FAM110B: variants seen among roughly 807,000 people sequenced by gnomAD.
FAM110B encodes the protein family with sequence similarity 110 member B.
FAM110B carries 6 observed loss-of-function variants against 20.4 expected under a neutral mutation model. That is an observed-to-expected ratio of 0.29 (90% CI 0.16 to 0.58). The LOEUF is 0.58. Ranked by LOEUF, FAM110B falls within the 20% of genes least tolerant of loss-of-function variation. FAM110B has a pLI of 0.90. For missense variants in FAM110B, 434 were observed against 498.2 expected, an observed-to-expected ratio of 0.87 and a Z score of 1.23; for synonymous variants, 226 against 214.1, an observed-to-expected ratio of 1.06 and a Z score of -0.49.
At chr8:58,039,947 T>C (rs1046978559) in intron 2 of FAM110B, among the ~76,000 whole-genome samples, 32 of 152,164 alleles carry the variant, frequency 2.1e-4, no homozygotes, top group Non-Finnish European at 2.9e-5. Flanking sequence ...CTCTAATTTT[T>C]AAATTTTGAA....
chr8:58,123,836 G>A lies in FAM110B; in HGVS notation c.-324-22071G>A, dbSNP rs1358256930. ...TTTAGATTCTGAGGTACACTTTCCCGCTGCGCATACTTCCTTTGGAAGACA... is the reference window on the plus strand; with the variant it reads ...TTTAGATTCTGAGGTACACTTTCCCACTGCGCATACTTCCTTTGGAAGACA... On this transcript the variant is annotated intron_variant, in intron 3 of 3. Coordinates refer to ENST00000519262, the MANE Select transcript of FAM110B (RefSeq NM_001377989.1). Among the ~76,000 whole-genome samples, 4 of 152,110 alleles carry A rather than the reference G, an allele frequency of 2.6e-5. No individual in the cohort carries two copies. In the East Asian group the frequency reaches 5.8e-4, roughly 22 times the overall value.
intron 3 of FAM110B, among the ~76,000 whole-genome samples, chr8:58,088,917 C>G (rs1325551932): frequency 6.6e-6 from 1 of 152,132 alleles, no homozygotes; most frequent in Non-Finnish European, 1.5e-5. Flanking sequence ...GTTTTATATT[C>G]TCATGTATAT....
At chr8:58,043,016 G>A (rs965622678) in intron 2 of FAM110B, among the ~76,000 whole-genome samples, 1 of 152,206 alleles carries the variant, frequency 6.6e-6, no homozygotes, top group African/African-American at 2.4e-5. Flanking sequence ...AATTTTCCAA[G>A]GTGGGAGTGC....
At position 58,146,914 on chromosome 8, in the gene FAM110B, C is replaced by T. The variant is rs750681364; in HGVS notation, c.684C>T (p.Pro228=). Residue 228 remains proline, a synonymous_variant, in exon 4 of 4, where the codon CCC becomes CCT. Transcript: ENST00000519262. ...SSSAPPLPPK[P]KIAAIASMKS... is the part of the protein sequence containing the mutation. Reference sequence around the variant, plus strand: ...CTGCCCCTCCCCTGCCTCCCAAGCCCAAAATCGCAGCCATCGCCTCCATGA... The same window carrying T: ...CTGCCCCTCCCCTGCCTCCCAAGCCTAAAATCGCAGCCATCGCCTCCATGA... 1.2e-6 allele frequency: 2 copies of T among 1,614,210 alleles called. No homozygotes were observed. Among genetic ancestry groups the T allele is most frequent in the South Asian group, 1.1e-5 (1 of 91,090 alleles).
At chr8:58,137,534 T>C (rs1803648875) in intron 3 of FAM110B, among the ~76,000 whole-genome samples, 1 of 152,072 alleles carries the variant, frequency 6.6e-6, no homozygotes, top group South Asian at 2.1e-4. Context: ...CACTCCAGCC[T>C]GGGCAACACA....
At chr8:58,073,748 C>T (rs1025948884) in intron 2 of FAM110B, among the ~76,000 whole-genome samples, 1 of 152,276 alleles carries the variant, frequency 6.6e-6, no homozygotes, top group African/African-American at 2.4e-5. Flanking sequence ...CATGTAGACT[C>T]CTGAAAGTCA....
At chr8:58,142,747 A>T (rs1400287179) in intron 3 of FAM110B, among the ~76,000 whole-genome samples, 1 of 152,226 alleles carries the variant, frequency 6.6e-6, no homozygotes, top group Non-Finnish European at 1.5e-5. Context: ...TATGAATCGA[A>T]GTTTCTCCCA....
chr8:58,087,256 G>A (rs1163305381), intron 3 of FAM110B, among the ~76,000 whole-genome samples: 1 of 152,216 alleles, frequency 6.6e-6, no homozygotes, highest in African/African-American at 2.4e-5. Context: ...CCAGCGCTGT[G>A]CGTCACCTTC....
At chr8:58,001,870 G>C (rs1019577318) in intron 1 of FAM110B, among the ~76,000 whole-genome samples, 2 of 152,172 alleles carry the variant, frequency 1.3e-5, no homozygotes, top group African/African-American at 4.8e-5. Flanking sequence ...TAGAAAAAAA[G>C]AGATTTATTA....
intron 1 of FAM110B, among the ~76,000 whole-genome samples, chr8:58,000,929 T>C (rs1359085297): frequency 6.6e-6 from 1 of 152,244 alleles, no homozygotes; most frequent in African/African-American, 2.4e-5. Flanking sequence ...CAATACATTT[T>C]ATTCTTGTTT....
chr8:58,019,985 T>C (rs1022914532), intron 1 of FAM110B, among the ~76,000 whole-genome samples: 3 of 152,114 alleles, frequency 2.0e-5, no homozygotes, highest in Non-Finnish European at 4.4e-5. Context: ...GGTATTATCT[T>C]GCAAGTCACT....
At chr8:58,127,309 T>C (rs1373846979) in intron 3 of FAM110B, among the ~76,000 whole-genome samples, 2 of 152,248 alleles carry the variant, frequency 1.3e-5, no homozygotes, top group Non-Finnish European at 2.9e-5. Flanking sequence ...AGCTAGATAA[T>C]GTCTTGAAAT....
intron 1 of FAM110B, among the ~76,000 whole-genome samples, chr8:58,021,820 A>G (rs1804761247): frequency 6.6e-6 from 1 of 152,168 alleles, no homozygotes; most frequent in Non-Finnish European, 1.5e-5. Flanking sequence ...TGACTACTAA[A>G]TGATAATACA....
Position 58,146,452 on chromosome 8 carries a change from C to G in FAM110B, c.222C>G (p.Pro74=), listed in dbSNP as rs1405511634. 1.1e-5 allele frequency: 18 copies of G among 1,613,360 alleles called. No homozygotes were observed. The highest frequency in any genetic ancestry group is 1.5e-5 in the Non-Finnish European group (18 of 1,179,646). ...AGGTGATCAACGCCAAGCAGGAGCC[C>G]GTGAAGCCCGCCGTGCTGGCCAAGC... ...SQEVINAKQE[P]VKPAVLAKPP... is the part of the protein sequence containing the mutation. Residue 74 remains proline (P), a synonymous_variant, in exon 4 of 4, where the codon CCC becomes CCG. Transcript: ENST00000519262.
At chr8:58,105,113 G>A (rs1806876072) in intron 3 of FAM110B, among the ~76,000 whole-genome samples, 1 of 151,800 alleles carries the variant, frequency 6.6e-6, no homozygotes, top group African/African-American at 2.4e-5. Flanking sequence ...GCATTGTCCT[G>A]TGTTAGGGGG....
intron 3 of FAM110B, among the ~76,000 whole-genome samples, chr8:58,095,733 G>A (rs1381916456): frequency 6.6e-6 from 1 of 152,148 alleles, no homozygotes; most frequent in Non-Finnish European, 1.5e-5. Context: ...GGGGTGGAGA[G>A]TTCTGTAGCT....
intron 3 of FAM110B, among the ~76,000 whole-genome samples, chr8:58,102,761 A>G (rs1806810078): frequency 6.6e-6 from 1 of 151,948 alleles, no homozygotes. Flanking sequence ...GAGCATCTCC[A>G]CTTCCCTTCT....
At chr8:58,009,516 T>C (rs539870321) in intron 1 of FAM110B, among the ~76,000 whole-genome samples, 45 of 152,336 alleles carry the variant, frequency 3.0e-4, no homozygotes, top group African/African-American at 1.1e-3. Context: ...GAATGTAAAA[T>C]AACTCAATAA....
intron 3 of FAM110B, among the ~76,000 whole-genome samples, chr8:58,130,463 G>T (rs554657313): frequency 6.6e-6 from 1 of 152,114 alleles, no homozygotes; most frequent in South Asian, 2.1e-4. Context: ...TAGAACCTGC[G>T]GTCACACCAG....
Sources: gnomAD v4.1 joint callset for allele counts (sites outside exome capture counted in the v4.1 genomes callset) on GRCh38, gnomAD v4.1.1 for gene constraint, MANE v1.5 for transcripts, NCBI Gene and HGNC (gene_info 2026-07-23, HGNC 2026-07-21) for gene names.